The following MRPS28 variants were observed in gnomAD, a reference collection of about 807,000 sequenced individuals.
MRPS28 encodes mitochondrial ribosomal protein S28.
In MRPS28, 7 loss-of-function variants were observed where a neutral mutation model predicts 10.8. The ratio of observed to expected loss-of-function variants is 0.65; its 90% CI spans 0.37 to 1.22. MRPS28 has a LOEUF of 1.22. MRPS28 is among the 50% of genes most tolerant of loss of function. MRPS28 has a pLI of 0.02. For missense variants in MRPS28, 265 were observed against 232.9 expected (o/e 1.14, Z -0.90); for synonymous variants, 121 against 93.3 (o/e 1.30, Z -1.71).
At chr8:79,980,947 C>G (rs1807936610) in intron 2 of MRPS28, among the ~76,000 whole-genome samples, 1 of 152,200 alleles carries the variant, frequency 6.6e-6, no homozygotes, top group African/African-American at 2.4e-5. Context: ...TATCACAAAT[C>G]AACATATGCT....
At chr8:79,940,542 T>C (rs975745943) in intron 2 of MRPS28, among the ~76,000 whole-genome samples, 1 of 152,234 alleles carries the variant, frequency 6.6e-6, no homozygotes, top group Non-Finnish European at 1.5e-5. Flanking sequence ...CTGCCTTTAT[T>C]GCACAGCAAA....
intron 2 of MRPS28, among the ~76,000 whole-genome samples, chr8:79,973,116 C>G (rs1191998096): frequency 2.0e-5 from 3 of 152,212 alleles, no homozygotes; most frequent in African/African-American, 7.2e-5. Context: ...AAAGAGTTAT[C>G]GTCCAAATGG....
At chr8:79,930,432 C>T (rs922003482) in intron 2 of MRPS28, among the ~76,000 whole-genome samples, 3 of 152,160 alleles carry the variant, frequency 2.0e-5, no homozygotes, top group South Asian at 2.1e-4. Flanking sequence ...GCATTCTATA[C>T]GTTTGTAGAA....
At position 80,027,284 on chromosome 8, in the gene MRPS28, TA is replaced by T. The variant is rs35973562; in HGVS notation, c.213+2751del. On this transcript the variant is annotated intron_variant, in intron 1 of 2. Transcript: ENST00000276585. ...AGCACGTTAAATGTATTATTTCACATAAACTTCCCAGTAACTCCAGTTGAAG... is the reference window on the plus strand; with the variant it reads ...AGCACGTTAAATGTATTATTTCACATAACTTCCCAGTAACTCCAGTTGAAG... Among the ~76,000 whole-genome samples the T allele has an allele frequency of 1.1e-4, 17 of 152,338 alleles. No homozygotes were observed. The South Asian group carries it at 1.9e-3, about 17-fold the overall frequency.
At position 79,918,990 on chromosome 8, in the gene MRPS28, T is replaced by A. The variant is rs1809997385; in HGVS notation, c.554A>T (p.His185Leu). 7 of 1,551,056 alleles carry A rather than the reference T, an allele frequency of 4.5e-6. No homozygotes were observed. The highest frequency in any genetic ancestry group is 6.1e-6 in the Non-Finnish European group (7 of 1,152,122). ...CTAAGCAAAGTTCATTTATTTTTCA[T>A]GATGTTCTTCTTTCGATCTTGAGTC... ...SKDSRSKEEH[H>L]EK The change falls in exon 3 of 3, where the codon CAT (histidine) becomes CTT (leucine). Residue 185 changes from histidine to leucine, a missense_variant. By Grantham distance (99) the His-to-Leu change is moderately conservative. Coordinates refer to ENST00000276585, the MANE Select transcript of MRPS28 (RefSeq NM_014018.3).
intron 1 of MRPS28, among the ~76,000 whole-genome samples, chr8:80,018,789 C>T (rs1453985061): frequency 6.6e-6 from 1 of 152,184 alleles, no homozygotes; most frequent in Admixed American, 6.5e-5. Context: ...GGTACATATA[C>T]ACAATGCAGT....
intron 2 of MRPS28, among the ~76,000 whole-genome samples, chr8:79,938,273 C>T (rs1176935784): frequency 6.6e-6 from 1 of 151,966 alleles, no homozygotes; most frequent in African/African-American, 2.4e-5. Context: ...TCGTGATTTG[C>T]ACTTTACATG....
In MRPS28 at chr8:79,919,078, C is replaced by A. The variant is rs1175625830; in HGVS notation, c.466G>T (p.Ala156Ser). 6.2e-7 allele frequency: 1 copy of A among 1,611,232 alleles called. No homozygotes were observed. Among genetic ancestry groups the A allele is most frequent in the African/African-American group, 1.3e-5 (1 of 74,784 alleles). ...TCTAGTACAGTTGTATCTGTTGTTGCTCCCAGGAACCTAGACGTAAGTTCA... is the reference window on the plus strand; with the variant it reads ...TCTAGTACAGTTGTATCTGTTGTTGATCCCAGGAACCTAGACGTAAGTTCA... ...DLELTSRFLG[A>S]TTDTTVLEAN... is the part of the protein sequence containing the mutation. Residue 156 changes from alanine to serine, a missense_variant, in exon 3 of 3, where the codon GCA (alanine) becomes TCA (serine). Transcript: ENST00000276585.
At chr8:79,952,631 C>G (rs934950754) in intron 2 of MRPS28, among the ~76,000 whole-genome samples, 2 of 152,166 alleles carry the variant, frequency 1.3e-5, no homozygotes, top group African/African-American at 4.8e-5. Context: ...TACCTACCCC[C>G]CTACATCAGG....
At chr8:79,959,542 G>A (rs1015783458) in intron 2 of MRPS28, among the ~76,000 whole-genome samples, 3 of 152,064 alleles carry the variant, frequency 2.0e-5, no homozygotes, top group African/African-American at 7.2e-5. Flanking sequence ...AGGGAGACAA[G>A]GAGATTGCTA....
At chr8:79,996,093 T>A (rs756356029) in intron 2 of MRPS28, among the ~76,000 whole-genome samples, 21 of 152,154 alleles carry the variant, frequency 1.4e-4, no homozygotes, top group Non-Finnish European at 1.5e-4. Context: ...CTATTTTAGG[T>A]CTAACAAGGT....
Position 80,030,020 on chromosome 8 carries a change from C to G in MRPS28, c.213+16G>C, listed in dbSNP as rs766244048. 2.5e-6 allele frequency: 4 copies of G among 1,603,768 alleles called. No individual in the cohort carries two copies. Among genetic ancestry groups the G allele is most frequent in the Non-Finnish European group, 3.4e-6 (4 of 1,176,214 alleles). ...GCGTAATTCCCGCGACTCCCTCTCA[C>G]CCGCCCGGGCTCCACCTTCTGTAGG... On this transcript the variant is annotated intron_variant, in intron 1 of 2. Coordinates refer to ENST00000276585, the MANE Select transcript of MRPS28 (RefSeq NM_014018.3).
At chr8:79,953,621 A>G (rs1807133221) in intron 2 of MRPS28, among the ~76,000 whole-genome samples, 1 of 152,208 alleles carries the variant, frequency 6.6e-6, no homozygotes, top group Non-Finnish European at 1.5e-5. Context: ...TCTAAAATAT[A>G]TATTAAGACC....
intron 2 of MRPS28, among the ~76,000 whole-genome samples, chr8:79,926,458 G>A (rs1810238189): frequency 6.6e-6 from 1 of 152,200 alleles, no homozygotes; most frequent in African/African-American, 2.4e-5. Flanking sequence ...GGTATGAAAA[G>A]TGCATGGCAC....
chr8:79,987,631 C>A (rs1464781882), intron 2 of MRPS28, among the ~76,000 whole-genome samples: 1 of 152,212 alleles, frequency 6.6e-6, no homozygotes, highest in Non-Finnish European at 1.5e-5. Flanking sequence ...TGAACAGACA[C>A]TTCTCAAAGG....
At chr8:79,979,658 G>C (rs1284970272) in intron 2 of MRPS28, among the ~76,000 whole-genome samples, 1 of 151,750 alleles carries the variant, frequency 6.6e-6, no homozygotes, top group Non-Finnish European at 1.5e-5. Context: ...CAAAATGCTG[G>C]GATTACAGGT....
chr8:80,001,382 A>G (rs1012227493), intron 2 of MRPS28, among the ~76,000 whole-genome samples: 2 of 152,230 alleles, frequency 1.3e-5, no homozygotes, highest in Non-Finnish European at 2.9e-5. Flanking sequence ...TAACTTTTGT[A>G]TCACATATCT....
At position 79,933,710 on chromosome 8, in the gene MRPS28, G is replaced by A. The variant is rs77295358; in HGVS notation, c.396-14562C>T. Among the ~76,000 whole-genome samples the A allele has an allele frequency of 2.9e-3, 434 of 152,184 alleles. 2 individuals carry two copies. Among genetic ancestry groups the A allele is most frequent in the African/African-American group, 9.7e-3 (403 of 41,522 alleles). On this transcript the variant is annotated intron_variant, in intron 2 of 2. Transcript: ENST00000276585. Reference sequence around the variant, plus strand: ...AGGTAAATGTAAAGAAATTCTATTAGGAAAGAAGTATCAAGGAATTCTTGG... The same window carrying A: ...AGGTAAATGTAAAGAAATTCTATTAAGAAAGAAGTATCAAGGAATTCTTGG...
At chr8:79,978,365 T>C (rs949139718) in intron 2 of MRPS28, among the ~76,000 whole-genome samples, 1 of 152,096 alleles carries the variant, frequency 6.6e-6, no homozygotes, top group African/African-American at 2.4e-5. Context: ...AAACATGTAA[T>C]CTAAGTAGTT....
Sources: allele counts gnomAD v4.1 joint callset (sites outside exome capture counted in the v4.1 genomes callset), GRCh38; gene constraint gnomAD v4.1.1; transcripts MANE v1.5; gene names NCBI Gene and HGNC (gene_info 2026-07-23, HGNC 2026-07-21).